RGS6: variants seen among roughly 807,000 people sequenced by gnomAD.
RGS6 encodes the protein regulator of G protein signaling 6, also known as regulator of G-protein signaling 6.
RGS6 carries 30 observed loss-of-function variants against 78.5 expected under a neutral mutation model. The ratio of observed to expected loss-of-function variants is 0.38; its 90% CI spans 0.29 to 0.52. RGS6 has a LOEUF of 0.52. Ranked by LOEUF, RGS6 falls within the 20% of genes least tolerant of loss-of-function variation. RGS6 has a pLI of 0.85. For missense variants in RGS6, 495 were observed against 609.7 expected (o/e 0.81, Z 1.98); for synonymous variants, 206 against 206.0 (o/e 1.00, Z 0.00).
intron 3 of RGS6, among the ~76,000 whole-genome samples, chr14:72,379,992 A>G (rs1367385382): frequency 6.6e-6 from 1 of 152,168 alleles, no homozygotes; most frequent in Non-Finnish European, 1.5e-5. Flanking sequence ...AGAGCAGAAG[A>G]GAACCCAGAA....
intron 15 of RGS6, among the ~76,000 whole-genome samples, chr14:72,533,758 C>T (rs1165578637): frequency 1.3e-5 from 2 of 152,130 alleles, no homozygotes; most frequent in African/African-American, 4.8e-5. Context: ...AGCAAGAGAA[C>T]TAGAATTAGA....
At chr14:72,058,746 G>T (rs1339714397) in intron 2 of RGS6, among the ~76,000 whole-genome samples, 3 of 152,096 alleles carry the variant, frequency 2.0e-5, no homozygotes, top group Non-Finnish European at 2.9e-5. Context: ...ATGTGATGTT[G>T]TGTCAATTAT....
chr14:72,550,523 T>C lies in RGS6; in HGVS notation c.1422+10429T>C, dbSNP rs1379470174. ...CATCATAGCACATTACACTGGGAAA[T>C]GGAGATGGAGCATCCAAGACAACAC... On this transcript the variant is annotated intron_variant, in intron 17 of 17. Coordinates refer to ENST00000553525, the MANE Select transcript of RGS6 (RefSeq NM_001204424.2). The C allele has an allele frequency of 3.9e-6, 6 of 1,535,618 alleles. No individual in the cohort carries two copies. The South Asian group carries it at 5.9e-5, about 15-fold the overall frequency.
In RGS6 at chr14:72,475,199, G is replaced by GTTT. The variant is rs11300478; in HGVS notation, c.693+521_693+523dup. Among the ~76,000 whole-genome samples the GTTT allele has an allele frequency of 5.4e-4, 66 of 121,982 alleles. 1 individual carries two copies. Among genetic ancestry groups the GTTT allele is most frequent in the Middle Eastern group, 5.2e-3 (1 of 194 alleles). 80.0% of individuals were successfully genotyped at this position (121,982 alleles called of 152,430 possible). A position where few individuals can be genotyped will look rare whatever the true frequency, so the allele number is the denominator to read the frequency against. ...GAAGCAAATAAAAGTCTTTTTTATG[G>GTTT]TTTTTTTTTTTTTTTTTTTTTTTGG... On this transcript the variant is annotated intron_variant, in intron 10 of 17. Transcript: ENST00000553525.
intron 2 of RGS6, among the ~76,000 whole-genome samples, chr14:71,998,995 C>T (rs1258327002): frequency 6.6e-6 from 1 of 152,182 alleles, no homozygotes; most frequent in Non-Finnish European, 1.5e-5. Context: ...CTTTGGGAGG[C>T]TGAGGCAGGA....
rs140202748 is a variant in RGS6 at position 72,081,077 on chromosome 14, A to T, written c.84+116202A>T. ...AAATATCATTGGAATTTTGATAAAG[A>T]CTTTGAATCTGTAGATTGCTTTAGG... On this transcript the variant is annotated intron_variant, in intron 2 of 17. Coordinates refer to ENST00000553525, the MANE Select transcript of RGS6 (RefSeq NM_001204424.2). Among the ~76,000 whole-genome samples, 6 of 152,140 alleles carry T rather than the reference A, an allele frequency of 3.9e-5. No individual in the cohort carries two copies. The East Asian group carries it at 1.2e-3, about 29-fold the overall frequency.
intron 2 of RGS6, among the ~76,000 whole-genome samples, chr14:72,133,556 C>G (rs1180049515): frequency 6.6e-6 from 1 of 152,124 alleles, no homozygotes; most frequent in South Asian, 2.1e-4. Context: ...GCTACTGTCC[C>G]CTGGCTTGCA....
chr14:71,963,442 T>C (rs1007543989), intron 1 of RGS6, among the ~76,000 whole-genome samples: 18 of 152,328 alleles, frequency 1.2e-4, no homozygotes, highest in Admixed American at 1.2e-3. Flanking sequence ...TTTCACAGTG[T>C]TCTACAGCCA....
At chr14:72,476,951 G>A (rs2096254310) in intron 11 of RGS6, 111 bp downstream of exon 11, 1 of 894,328 alleles carries the variant, frequency 1.1e-6, no homozygotes, top group Non-Finnish European at 1.8e-6. Context: ...GGAAACCACA[G>A]TGGAACCCAG....
intron 9 of RGS6, chr14:72,473,980 G>A (rs188801840): frequency 6.6e-6 from 1 of 152,340 alleles, no homozygotes; most frequent in East Asian, 1.9e-4. Context: ...ATGCAGAAAA[G>A]TTGGCACTAA....
the RGS6 span, among the ~76,000 whole-genome samples, chr14:71,899,858 T>A: frequency 6.6e-6 from 1 of 152,192 alleles, no homozygotes; most frequent in Non-Finnish European, 1.5e-5. Context: ...AGTTTAACAG[T>A]TGTATTTATG....
At chr14:72,544,528 C>T (rs1226030897) in intron 17 of RGS6, among the ~76,000 whole-genome samples, 1 of 152,180 alleles carries the variant, frequency 6.6e-6, no homozygotes, top group East Asian at 1.9e-4. Context: ...GAGGACCAGG[C>T]GTTCATCCAC....
chr14:72,245,969 G>A (rs1311796016), intron 2 of RGS6, among the ~76,000 whole-genome samples: 2 of 152,196 alleles, frequency 1.3e-5, no homozygotes, highest in Non-Finnish European at 2.9e-5. Context: ...CCTTTCACAT[G>A]ATCTGCCTCA....
intron 12 of RGS6, among the ~76,000 whole-genome samples, chr14:72,494,148 G>GT (rs1387596010): frequency 2.0e-5 from 3 of 152,166 alleles, no homozygotes; most frequent in African/African-American, 7.2e-5. Flanking sequence ...TGTGTTTAAG[G>GT]TATAAAAAAA....
intron 2 of RGS6, among the ~76,000 whole-genome samples, chr14:72,101,494 G>T (rs2095527030): frequency 6.6e-6 from 1 of 152,216 alleles, no homozygotes; most frequent in African/African-American, 2.4e-5. Flanking sequence ...CTGCGCTCTA[G>T]TAACATACAA....
At chr14:72,420,196 T>C (rs1336371488) in intron 3 of RGS6, among the ~76,000 whole-genome samples, 1 of 152,218 alleles carries the variant, frequency 6.6e-6, no homozygotes, top group African/African-American at 2.4e-5. Flanking sequence ...GGCATAAACA[T>C]GTGGCTAACA....
At chr14:72,295,433 C>T (rs1039943653) in intron 2 of RGS6, among the ~76,000 whole-genome samples, 2 of 152,238 alleles carry the variant, frequency 1.3e-5, no homozygotes, top group South Asian at 2.1e-4. Context: ...TCCCCAGATC[C>T]GGCTGGCCCA....
chr14:72,101,389 T>C (rs1049645726), intron 2 of RGS6, among the ~76,000 whole-genome samples: 29 of 152,246 alleles, frequency 1.9e-4, no homozygotes, highest in African/African-American at 7.0e-4. Context: ...ACCTCTGTGT[T>C]CCTAGTACCA....
At chr14:72,614,654 C>T in the RGS6 span, among the ~76,000 whole-genome samples, 1 of 151,812 alleles carries the variant, frequency 6.6e-6, no homozygotes, top group Non-Finnish European at 1.5e-5. Context: ...CCTGAAACCC[C>T]ACACAACCAA....
Sources: gnomAD v4.1 joint callset for allele counts (sites outside exome capture counted in the v4.1 genomes callset) on GRCh38, gnomAD v4.1.1 for gene constraint, MANE v1.5 for transcripts, NCBI Gene and HGNC (gene_info 2026-07-23, HGNC 2026-07-21) for gene names.